The following KALRN variants were observed in gnomAD, a reference collection of about 807,000 sequenced individuals.
The protein encoded by KALRN is kalirin.
In KALRN, 70 loss-of-function variants were observed where a neutral mutation model predicts 353.7. That is an observed-to-expected ratio of 0.20 (90% CI 0.16 to 0.24). KALRN has a LOEUF of 0.24. Among genes scored for constraint, KALRN ranks in the 10% least tolerant of loss-of-function variants. KALRN has a pLI of 1.00. For synonymous variants in KALRN, 1,391 were observed against 1,434.8 expected (o/e 0.97, Z 0.69); for missense variants, 2,791 against 3,756.7 (o/e 0.74, Z 6.72).
intron 1 of KALRN, among the ~76,000 whole-genome samples, chr3:124,070,038 T>C (rs2059938237): frequency 6.6e-6 from 1 of 151,792 alleles, no homozygotes; most frequent in Non-Finnish European, 1.5e-5. Flanking sequence ...CACAACAAGA[T>C]AAAATGAAGA....
At chr3:124,408,307 A>G (rs1418263655) in intron 13 of KALRN, among the ~76,000 whole-genome samples, 8 of 152,178 alleles carry the variant, frequency 5.3e-5, no homozygotes, top group Admixed American at 5.2e-4. Context: ...AAGAAGGGTA[A>G]AACTGGCACT....
intron 1 of KALRN, among the ~76,000 whole-genome samples, chr3:124,165,726 A>T (rs2070735912): frequency 6.6e-6 from 1 of 152,144 alleles, no homozygotes; most frequent in Admixed American, 6.5e-5. Context: ...TATTGTAAAT[A>T]TTTTATCCAC....
At chr3:124,487,497 A>C (rs1303728252) in intron 28 of KALRN, among the ~76,000 whole-genome samples, 1 of 152,230 alleles carries the variant, frequency 6.6e-6, no homozygotes, top group South Asian at 2.1e-4. Flanking sequence ...ACCTGGATTC[A>C]GGCCCCTGCA....
chr3:124,046,521 G>A (rs1194106040), intron 1 of KALRN, among the ~76,000 whole-genome samples: 1 of 152,214 alleles, frequency 6.6e-6, no homozygotes, highest in East Asian at 1.9e-4. Context: ...TCTCTGGAGA[G>A]TGAGTGGGAA....
chr3:124,538,955 C>G (rs1316213085), intron 33 of KALRN, among the ~76,000 whole-genome samples: 1 of 152,204 alleles, frequency 6.6e-6, no homozygotes, highest in East Asian at 1.9e-4. Context: ...AGATGGCCAT[C>G]CAGACTCTTG....
intron 8 of KALRN, among the ~76,000 whole-genome samples, chr3:124,331,667 A>G (rs983677423): frequency 6.6e-6 from 1 of 152,182 alleles, no homozygotes; most frequent in African/African-American, 2.4e-5. Context: ...ATGGGTCAAG[A>G]ATCTTTAAAT....
intron 1 of KALRN, among the ~76,000 whole-genome samples, chr3:124,150,148 A>G (rs1489801785): frequency 6.6e-6 from 1 of 152,212 alleles, no homozygotes; most frequent in Non-Finnish European, 1.5e-5. Context: ...GGTGTTAGCC[A>G]AGAAAAATTG....
intron 34 of KALRN, among the ~76,000 whole-genome samples, chr3:124,593,425 C>G (rs1484947954): frequency 1.3e-5 from 2 of 152,164 alleles, no homozygotes; most frequent in Admixed American, 1.3e-4. Flanking sequence ...GGGATGGGCT[C>G]TAGCAGTCTG....
chr3:124,265,312 T>TTTTTTTTTTTTTTTTTTTTTTTA (rs2073392078), intron 4 of KALRN, among the ~76,000 whole-genome samples: 1 of 141,004 alleles, frequency 7.1e-6, no homozygotes, highest in African/African-American at 2.7e-5. Context: ...TTTTTTTTTT[T>TTTTTTTTTTTTTTTTTTTTTTTA]GAGATAGAGT....
At chr3:124,494,720 T>C (rs759407784) in intron 32 of KALRN, among the ~76,000 whole-genome samples, 50 of 152,234 alleles carry the variant, frequency 3.3e-4, no homozygotes, top group Admixed American at 1.4e-3. Context: ...TGCACATGCA[T>C]GGGTACTTGC....
chr3:124,264,736 C>T, intron 4 of KALRN, 46 bp downstream of exon 4: 1 of 1,501,616 alleles, frequency 6.7e-7, no homozygotes, highest in South Asian at 1.1e-5. Flanking sequence ...CCTTCCCCTT[C>T]TGCCATCCAC....
At chr3:124,463,694 G>A (rs2060062785) in intron 25 of KALRN, among the ~76,000 whole-genome samples, 1 of 152,208 alleles carries the variant, frequency 6.6e-6, no homozygotes, top group Admixed American at 6.5e-5. Flanking sequence ...ATAGCCCTGT[G>A]CTAAGAATGA....
chr3:124,123,494 A>G (rs1253989872), intron 1 of KALRN, among the ~76,000 whole-genome samples: 2 of 152,234 alleles, frequency 1.3e-5, no homozygotes, highest in African/African-American at 4.8e-5. Context: ...GTTTGAAGCT[A>G]GCAGAGGTTG....
chr3:124,188,469 A>G (rs977953539), intron 1 of KALRN, among the ~76,000 whole-genome samples: 1 of 152,222 alleles, frequency 6.6e-6, no homozygotes, highest in Non-Finnish European at 1.5e-5. Context: ...TCCCCTCAGC[A>G]TGGCTGGTTC....
At chr3:124,192,470 A>G (rs1014099097) in intron 1 of KALRN, among the ~76,000 whole-genome samples, 17 of 152,158 alleles carry the variant, frequency 1.1e-4, no homozygotes, top group African/African-American at 2.9e-4. Flanking sequence ...TGATAGTACA[A>G]TGGGGTGACT....
chr3:124,529,964 TCAAAGA>T (rs1001717446), intron 33 of KALRN, among the ~76,000 whole-genome samples: 11 of 152,256 alleles, frequency 7.2e-5, no homozygotes, highest in African/African-American at 2.6e-4. Flanking sequence ...GACTGAAGTC[TCAAAGA>T]CAGTGTTGAT....
At chr3:124,309,819 G>A (rs564295287) in intron 6 of KALRN, among the ~76,000 whole-genome samples, 44 of 152,108 alleles carry the variant, frequency 2.9e-4, no homozygotes, top group Non-Finnish European at 5.6e-4. Flanking sequence ...AAAATTCACA[G>A]CTATTGTTAT....
At chr3:124,226,506 T>C (rs757043242) in intron 1 of KALRN, among the ~76,000 whole-genome samples, 17 of 152,200 alleles carry the variant, frequency 1.1e-4, no homozygotes, top group South Asian at 2.1e-4. Flanking sequence ...AGACTTGCAG[T>C]CTTCATTTGG....
chr3:124,242,418 C>G (rs868214774), intron 3 of KALRN, among the ~76,000 whole-genome samples: 2 of 152,196 alleles, frequency 1.3e-5, no homozygotes, highest in African/African-American at 4.8e-5. Flanking sequence ...GCCAGATGGT[C>G]TAGCACCAGA....
Sources: allele counts gnomAD v4.1 joint callset (sites outside exome capture counted in the v4.1 genomes callset), GRCh38; gene constraint gnomAD v4.1.1; transcripts MANE v1.5; gene names NCBI Gene and HGNC (gene_info 2026-07-23, HGNC 2026-07-21).